ADAMTS17: variants seen among roughly 807,000 people sequenced by gnomAD.
ADAMTS17 encodes the protein A disintegrin and metalloproteinase with thrombospondin motifs 17.
Under a neutral mutation model 141.5 loss-of-function variants are expected in ADAMTS17, and 113 were observed. The observed-to-expected ratio is 0.80, with a 90% CI of 0.69 to 0.93. The LOEUF (loss-of-function observed/expected upper bound fraction) is 0.93. Among genes scored for constraint, ADAMTS17 ranks in the 40% least tolerant of loss-of-function variants. The probability of loss-of-function intolerance (pLI) is 0.00; values close to 1 mark genes in which losing one functional copy is unlikely to be tolerated. For synonymous variants in ADAMTS17, 768 were observed against 630.6 expected, an observed-to-expected ratio of 1.22 and a Z score of -3.27; for missense variants, 1,659 against 1,517.9, an observed-to-expected ratio of 1.09 and a Z score of -1.54.
intron 18 of ADAMTS17, among the ~76,000 whole-genome samples, chr15:100,042,928 A>G (rs2031378756): frequency 6.6e-6 from 1 of 152,254 alleles, no homozygotes; most frequent in African/African-American, 2.4e-5. Flanking sequence ...ACTACTGTAC[A>G]TAATACATAT....
chr15:99,986,319 A>G (rs948362750), intron 20 of ADAMTS17, among the ~76,000 whole-genome samples: 8 of 152,266 alleles, frequency 5.3e-5, no homozygotes, highest in African/African-American at 1.7e-4. Flanking sequence ...ACAGAAAGGC[A>G]TCTAACAGCT....
At chr15:100,293,497 G>T (rs2044712816) in intron 3 of ADAMTS17, among the ~76,000 whole-genome samples, 1 of 152,150 alleles carries the variant, frequency 6.6e-6, no homozygotes, top group Admixed American at 6.5e-5. Context: ...TTATAAATTA[G>T]AAGTAACCGT....
At chr15:100,292,968 T>C (rs1442881611) in intron 3 of ADAMTS17, among the ~76,000 whole-genome samples, 1 of 152,250 alleles carries the variant, frequency 6.6e-6, no homozygotes, top group Non-Finnish European at 1.5e-5. Context: ...CATCTGGTGA[T>C]ACAATAGGCA....
intron 3 of ADAMTS17, among the ~76,000 whole-genome samples, chr15:100,308,910 T>A (rs974488476): frequency 8.5e-5 from 13 of 152,332 alleles, no homozygotes; most frequent in South Asian, 4.1e-4. Flanking sequence ...CAATCCCTGT[T>A]CCTGTTTCTT....
chr15:100,033,737 C>T (rs1453309392), intron 18 of ADAMTS17, among the ~76,000 whole-genome samples: 3 of 152,202 alleles, frequency 2.0e-5, no homozygotes, highest in Admixed American at 6.5e-5. Context: ...CCAGCCAATT[C>T]GGGGATCTTC....
rs372532021 is a variant in ADAMTS17 at position 100,087,960 on chromosome 15, T to C, written c.2137+8396A>G. ...GGGATGCCTTCTCTCACCACTCCTATTCAACACAATGTTTGAAGTTCTGGC... is the reference window on the plus strand; with the variant it reads ...GGGATGCCTTCTCTCACCACTCCTACTCAACACAATGTTTGAAGTTCTGGC... On this transcript the variant is annotated intron_variant, in intron 15 of 21. Coordinates refer to ENST00000268070, the MANE Select transcript of ADAMTS17 (RefSeq NM_139057.4). Among the ~76,000 whole-genome samples the C allele has an allele frequency of 1.2e-4, 18 of 152,282 alleles. No individual in the cohort carries two copies. In the East Asian group the frequency reaches 1.7e-3, roughly 15 times the overall value.
intron 20 of ADAMTS17, among the ~76,000 whole-genome samples, chr15:99,982,188 G>A (rs898216726): frequency 6.6e-6 from 1 of 152,246 alleles, no homozygotes; most frequent in African/African-American, 2.4e-5. Flanking sequence ...AAATCCTGCT[G>A]TTATTATTCT....
chr15:100,250,133 A>G (rs1596360913), intron 7 of ADAMTS17, among the ~76,000 whole-genome samples: 1 of 152,264 alleles, frequency 6.6e-6, no homozygotes, highest in Admixed American at 6.5e-5. Context: ...AATGATTTCA[A>G]TAAATACCAG....
At chr15:100,189,518 A>G (rs2040841869) in intron 8 of ADAMTS17, among the ~76,000 whole-genome samples, 1 of 152,170 alleles carries the variant, frequency 6.6e-6, no homozygotes, top group Non-Finnish European at 1.5e-5. Context: ...AGCCACCAAC[A>G]CAGCCAACCA....
chr15:100,160,230 G>A (rs558127782), intron 8 of ADAMTS17, among the ~76,000 whole-genome samples: 1 of 152,322 alleles, frequency 6.6e-6, no homozygotes, highest in Non-Finnish European at 1.5e-5. Flanking sequence ...AGGATCAGAG[G>A]CATCTCCCAC....
At chr15:100,019,198 A>G (rs1354111200) in intron 18 of ADAMTS17, among the ~76,000 whole-genome samples, 2 of 152,194 alleles carry the variant, frequency 1.3e-5, no homozygotes, top group African/African-American at 2.4e-5. Flanking sequence ...ACTATTTAAG[A>G]CACAACAAAC....
intron 8 of ADAMTS17, among the ~76,000 whole-genome samples, chr15:100,181,747 TTATTTTTGTTGCTGCAAGC>T: frequency 6.6e-6 from 1 of 152,194 alleles, no homozygotes; most frequent in African/African-American, 2.4e-5. Context: ...GAGGAAGGAG[TTATTTTTGTTGCTGCAAGC>T]AGCATAGCCT....
chr15:100,089,341 T>G (rs2140984518), intron 15 of ADAMTS17, among the ~76,000 whole-genome samples: 1 of 137,886 alleles, frequency 7.3e-6, no homozygotes, highest in African/African-American at 3.1e-5. Context: ...CAACAGGTGC[T>G]GGAGAGGATG....
chr15:100,053,879 G>C lies in ADAMTS17; in HGVS notation c.2295+18C>G. On this transcript the variant is annotated intron_variant, in intron 16 of 21. Coordinates refer to ENST00000268070, the MANE Select transcript of ADAMTS17 (RefSeq NM_139057.4). The stretch of plus-strand genomic sequence containing the variant: ...GAGCCACACCCCCTAAGACAAGTGT[G>C]GAAGCCCAGCAAGTTACCATCAAGT... The C allele has an allele frequency of 1.2e-6, 2 of 1,614,174 alleles. No individual in the cohort carries two copies. Among genetic ancestry groups the C allele is most frequent in the Non-Finnish European group, 1.7e-6 (2 of 1,180,010 alleles).
In ADAMTS17 at chr15:99,993,038, C is replaced by T; in HGVS notation, c.2949+10G>A. 3.7e-6 allele frequency: 6 copies of T among 1,614,102 alleles called. No individual in the cohort carries two copies. The highest frequency in any genetic ancestry group is 5.1e-6 in the Non-Finnish European group (6 of 1,180,042). ...CGGCACGGAGAGAAATGCCAGCAGG[C>T]TGCTCTCACCGTAGACCAGTCCCCA... On this transcript the variant is annotated intron_variant, in intron 20 of 21. Transcript: ENST00000268070. This position sits in a 1 kb window ranked among gnomAD's most constrained non-coding sequence, Gnocchi z 4.3.
intron 18 of ADAMTS17, among the ~76,000 whole-genome samples, chr15:100,041,623 C>G (rs1455724018): frequency 6.6e-6 from 1 of 152,224 alleles, no homozygotes; most frequent in Non-Finnish European, 1.5e-5. Context: ...TCTGTGATTT[C>G]TGCCATGCCT....
chr15:100,089,071 A>C (rs1244245250), intron 15 of ADAMTS17, among the ~76,000 whole-genome samples: 1 of 152,022 alleles, frequency 6.6e-6, no homozygotes, highest in African/African-American at 2.4e-5. Context: ...AATGAGAGAA[A>C]ATTTTTGCAA....
At chr15:100,263,598 A>G (rs2043605419) in intron 4 of ADAMTS17, among the ~76,000 whole-genome samples, 1 of 152,194 alleles carries the variant, frequency 6.6e-6, no homozygotes, top group African/African-American at 2.4e-5. Context: ...GGATGGAAAA[A>G]GCCCACTGCA....
chr15:100,294,153 G>T (rs753688948), intron 3 of ADAMTS17, among the ~76,000 whole-genome samples: 1 of 152,140 alleles, frequency 6.6e-6, no homozygotes, highest in African/African-American at 2.4e-5. Context: ...CATGCCACTC[G>T]TCTTATTTCT....
Sources: gnomAD v4.1 joint callset for allele counts (sites outside exome capture counted in the v4.1 genomes callset) on GRCh38, gnomAD v4.1.1 for gene constraint, Gnocchi (gnomAD v3.1) non-coding constraint, MANE v1.5 for transcripts, NCBI Gene and HGNC (gene_info 2026-07-23, HGNC 2026-07-21) for gene names.